The following SPTLC2 variants were observed in gnomAD, a reference collection of about 807,000 sequenced individuals.
SPTLC2 encodes the protein serine palmitoyltransferase long chain base subunit 2.
Under a neutral mutation model 62.0 loss-of-function variants are expected in SPTLC2, and 21 were observed. The ratio of observed to expected loss-of-function variants is 0.34; its 90% CI spans 0.24 to 0.49. The LOEUF is 0.49. Ranked by LOEUF, SPTLC2 falls within the 20% of genes least tolerant of loss-of-function variation. The probability of loss-of-function intolerance (pLI) is 0.99; values close to 1 mark genes in which losing one functional copy is unlikely to be tolerated. For missense variants in SPTLC2, 511 were observed against 713.0 expected, an observed-to-expected ratio of 0.72 and a Z score of 3.23; for synonymous variants, 261 against 261.8, an observed-to-expected ratio of 1.00 and a Z score of 0.03.
chr14:77,528,534 C>A (rs550167957), intron 9 of SPTLC2, among the ~76,000 whole-genome samples: 3 of 151,792 alleles, frequency 2.0e-5, no homozygotes, highest in Non-Finnish European at 4.4e-5. Flanking sequence ...CCCAGCCCCC[C>A]CTTTTCTTCT....
intron 9 of SPTLC2, among the ~76,000 whole-genome samples, chr14:77,538,328 C>T (rs1364049433): frequency 6.6e-6 from 1 of 152,212 alleles, no homozygotes; most frequent in Admixed American, 6.5e-5. Context: ...ACCACTCATG[C>T]ACACCCCATC....
chr14:77,526,153 C>A (rs2079408183), intron 9 of SPTLC2, among the ~76,000 whole-genome samples: 1 of 152,144 alleles, frequency 6.6e-6, no homozygotes, highest in Non-Finnish European at 1.5e-5. Context: ...TAAAGTGAAA[C>A]TGAATCTTAA....
chr14:77,602,567 A>G (rs968689206), intron 1 of SPTLC2, among the ~76,000 whole-genome samples: 6 of 124,150 alleles, frequency 4.8e-5, no homozygotes, highest in South Asian at 2.5e-4. Flanking sequence ...TTTTTTTTCT[A>G]TTGACAGCAT....
At chr14:77,557,533 G>C (rs565201555) in intron 6 of SPTLC2, among the ~76,000 whole-genome samples, 2 of 152,256 alleles carry the variant, frequency 1.3e-5, no homozygotes, top group Admixed American at 6.5e-5. Context: ...GCGTAAAAAA[G>C]ACAGAGCGAG....
rs780807321 is a variant in SPTLC2 at position 77,518,167 on chromosome 14, G to A, written c.1440C>T (p.Gly480=). The change falls in exon 11 of 12, where the codon GGC becomes GGT. Residue 480 remains glycine, a splice_region_variant and synonymous_variant. Coordinates refer to ENST00000216484, the MANE Select transcript of SPTLC2 (RefSeq NM_004863.4). The part of the protein sequence containing the change: ...PLMLYMPAKI[G]AFGREMLKRN... ...GCTTCAGCATCTCCCGTCCAAAGGCGCTGCAAAGGGGAAAACAAGAACAGA... is the reference window on the plus strand; with the variant it reads ...GCTTCAGCATCTCCCGTCCAAAGGCACTGCAAAGGGGAAAACAAGAACAGA... The A allele has an allele frequency of 2.0e-5, 32 of 1,613,956 alleles. No individual in the cohort carries two copies. Among genetic ancestry groups the A allele is most frequent in the African/African-American group, 2.7e-5 (2 of 74,902 alleles).
Position 77,512,139 on chromosome 14 carries a change from T to C in SPTLC2, c.*145A>G, listed in dbSNP as rs1368346306. On this transcript the variant is annotated 3_prime_UTR_variant, in exon 12 of 12. Transcript: ENST00000216484. ...TTTTTACTATTTACAAAATGTCATT[T>C]AGAGTGGAGGTGGCCACCTTCAGTA... 2 of 1,064,916 alleles carry C rather than the reference T, an allele frequency of 1.9e-6. No homozygotes were observed. Among genetic ancestry groups the C allele is most frequent in the East Asian group, 2.4e-5 (1 of 41,966 alleles). 66.0% of individuals were successfully genotyped at this position (1,064,916 alleles called of 1,614,324 possible).
chr14:77,512,888 G>A (rs770585011), intron 11 of SPTLC2, among the ~76,000 whole-genome samples: 1 of 151,850 alleles, frequency 6.6e-6, no homozygotes, highest in East Asian at 1.9e-4. Flanking sequence ...GCTAATTTTT[G>A]TATTTTTAGT....
chr14:77,597,148 G>C (rs776911481), intron 2 of SPTLC2, 38 bp downstream of exon 2: 7 of 1,596,904 alleles, frequency 4.4e-6, no homozygotes, highest in Middle Eastern at 1.7e-4. Context: ...TCCATAAAAG[G>C]CTTCTATTTA....
intron 1 of SPTLC2, among the ~76,000 whole-genome samples, chr14:77,613,764 G>T (rs1428341411): frequency 6.6e-6 from 1 of 152,154 alleles, no homozygotes; most frequent in African/African-American, 2.4e-5. Flanking sequence ...GCGTATTTTT[G>T]ATGGCACAGT....
chr14:77,597,819 G>A (rs940710434), intron 1 of SPTLC2, among the ~76,000 whole-genome samples: 56 of 128,712 alleles, frequency 4.4e-4, no homozygotes, highest in Admixed American at 6.4e-4. Flanking sequence ...CTGGAAACAA[G>A]AAAAAAAAAA....
rs2079306215 is a variant in SPTLC2, at chr14:77,506,536, A to G, written c.*5748T>C. 1 of 152,256 alleles carries G rather than the reference A, an allele frequency of 6.6e-6. No individual in the cohort carries two copies. Among genetic ancestry groups the G allele is most frequent in the African/African-American group, 2.4e-5 (1 of 41,454 alleles). 9.4% of individuals were successfully genotyped at this position (152,256 alleles called of 1,614,324 possible). A position where few individuals can be genotyped will look rare whatever the true frequency, so the allele number is the denominator to read the frequency against. On this transcript the variant is annotated 3_prime_UTR_variant, in exon 12 of 12. Transcript: ENST00000216484. The stretch of plus-strand genomic sequence containing the variant: ...GGGTGGGTTCCAGTGTCCTGTGAAG[A>G]ACCAGCAAGGATGCTTTTTATAATT...
At chr14:77,524,848 G>A (rs2079401082) in intron 9 of SPTLC2, among the ~76,000 whole-genome samples, 1 of 152,190 alleles carries the variant, frequency 6.6e-6, no homozygotes, top group South Asian at 2.1e-4. Context: ...CAGAGGCTGG[G>A]AATGGTAGGG....
At chr14:77,603,528 T>C (rs1278309019) in intron 1 of SPTLC2, among the ~76,000 whole-genome samples, 1 of 152,246 alleles carries the variant, frequency 6.6e-6, no homozygotes, top group African/African-American at 2.4e-5. Flanking sequence ...TGAATGTGTA[T>C]GTCCAGAAGT....
chr14:77,541,965 G>A (rs1188626385), intron 9 of SPTLC2, among the ~76,000 whole-genome samples: 1 of 151,744 alleles, frequency 6.6e-6, no homozygotes, highest in Non-Finnish European at 1.5e-5. Context: ...GCTGAGGCAT[G>A]AGAATGGTTT....
At chr14:77,553,954 A>G (rs1001153850) in intron 8 of SPTLC2, among the ~76,000 whole-genome samples, 1 of 151,432 alleles carries the variant, frequency 6.6e-6, no homozygotes, top group Admixed American at 6.6e-5. Flanking sequence ...AGTTGGGACT[A>G]CAGGCATGTG....
chr14:77,578,928 T>C (rs376915410), intron 3 of SPTLC2, 27 bp downstream of exon 3: 8 of 1,612,864 alleles, frequency 5.0e-6, no homozygotes, highest in Middle Eastern at 1.6e-4. Context: ...GTAATTGTTG[T>C]CAAATAATTT....
In SPTLC2 at chr14:77,614,795, ACC is replaced by A. The variant is rs1034161628; in HGVS notation, c.132+1651_132+1652del. ...AGACCAACCTGGCCAACATGGTGAA[ACC>A]CCATCTCTAATAAAAATACAAAATT... On this transcript the variant is annotated intron_variant, in intron 1 of 11. Coordinates refer to ENST00000216484, the MANE Select transcript of SPTLC2 (RefSeq NM_004863.4). Among the ~76,000 whole-genome samples the A allele has an allele frequency of 3.7e-4, 55 of 149,278 alleles. No homozygotes were observed. The East Asian group carries it at 4.0e-3, about 11-fold the overall frequency.
Position 77,616,467 on chromosome 14 carries a change from G to T in SPTLC2, c.113C>A (p.Ala38Asp). ...TCGTACCTGGCCGGCGGCGGCTGCG[G>T]CTGCGGCTGCAGCGCTGCTCCTCAC... ...GYVRSSAAAA[A>D]AAAAGQIHHV... The change falls in exon 1 of 12, where the codon GCC becomes GAC. Residue 38 changes from alanine (A) to aspartate (D), a missense_variant. Ala to Asp is a moderately radical substitution (Grantham distance 126). Transcript: ENST00000216484. The T allele has an allele frequency of 2.0e-6, 3 of 1,491,944 alleles. No homozygotes were observed. The highest frequency in any genetic ancestry group is 2.7e-6 in the Non-Finnish European group (3 of 1,126,958). The allele number at this position is 1,491,944 out of a possible 1,614,324, so 92.4% of individuals were successfully genotyped here.
intron 5 of SPTLC2, among the ~76,000 whole-genome samples, chr14:77,566,216 T>C (rs1396493934): frequency 2.0e-5 from 3 of 152,230 alleles, no homozygotes; most frequent in African/African-American, 7.2e-5. Context: ...AGCATTTCAA[T>C]GTATCAATCT....
Sources: gnomAD v4.1 joint callset for allele counts (sites outside exome capture counted in the v4.1 genomes callset) on GRCh38, gnomAD v4.1.1 for gene constraint, MANE v1.5 for transcripts, NCBI Gene and HGNC (gene_info 2026-07-23, HGNC 2026-07-21) for gene names.